The following LRP1B variants were observed in gnomAD, a reference collection of about 807,000 sequenced individuals.
LRP1B encodes the protein low-density lipoprotein receptor-related protein 1B.
A neutral mutation model predicts 556.6 loss-of-function variants in LRP1B; 217 were observed. The ratio of observed to expected loss-of-function variants is 0.39; its 90% CI spans 0.35 to 0.44. The LOEUF (loss-of-function observed/expected upper bound fraction) is 0.44. Ranked by LOEUF, LRP1B falls within the 20% of genes least tolerant of loss-of-function variation. The probability of loss-of-function intolerance (pLI) is 1.00; values close to 1 mark genes in which losing one functional copy is unlikely to be tolerated. For missense variants in LRP1B, 5,053 were observed against 5,620.8 expected (o/e 0.90, Z 3.23); for synonymous variants, 2,047 against 1,865.8 (o/e 1.10, Z -2.50).
intron 71 of LRP1B, among the ~76,000 whole-genome samples, chr2:140,365,575 G>A (rs1000353041): frequency 6.6e-6 from 1 of 151,610 alleles, no homozygotes; most frequent in Admixed American, 6.6e-5. Flanking sequence ...TCCCAGTCTT[G>A]CTTTGGATAA....
At position 140,232,942 on chromosome 2, in the gene LRP1B, CAT is replaced by C; in HGVS notation, c.*242_*243del. 1 of 309,398 alleles carries C rather than the reference CAT, an allele frequency of 3.2e-6. No individual in the cohort carries two copies. The allele number at this position is 309,398 out of a possible 1,614,324, so 19.2% of individuals were successfully genotyped here. A position where few individuals can be genotyped will look rare whatever the true frequency, so the allele number is the denominator to read the frequency against. ...AATTTTAACAAATTCAAAGGTGTGT[CAT>C]ATCAGCAGCATTGTTGTAAATTGTA... On this transcript the variant is annotated 3_prime_UTR_variant, in exon 91 of 91. Transcript: ENST00000389484.
intron 66 of LRP1B, among the ~76,000 whole-genome samples, chr2:140,394,009 T>G (rs1387598868): frequency 6.6e-6 from 1 of 152,150 alleles, no homozygotes; most frequent in African/African-American, 2.4e-5. Context: ...CATGCTGTTT[T>G]GCAAATGTAC....
intron 1 of LRP1B, among the ~76,000 whole-genome samples, chr2:141,865,612 A>G (rs986330162): frequency 1.5e-4 from 22 of 151,386 alleles, no homozygotes; most frequent in Non-Finnish European, 2.9e-4. Context: ...AAAAAAGAAA[A>G]AAAAAAAGAA....
chr2:141,443,752 T>C (rs1681075481), intron 3 of LRP1B, among the ~76,000 whole-genome samples: 1 of 152,184 alleles, frequency 6.6e-6, no homozygotes, highest in African/African-American at 2.4e-5. Context: ...TGTGTGGCAT[T>C]ATTTCTGAGG....
At chr2:141,940,538 G>GACA (rs993025429) in intron 1 of LRP1B, among the ~76,000 whole-genome samples, 2 of 152,062 alleles carry the variant, frequency 1.3e-5, no homozygotes, top group Non-Finnish European at 2.9e-5. Context: ...ATCGGAAACA[G>GACA]ACAGTTGGGG....
At chr2:140,990,226 A>T (rs1314047498) in intron 16 of LRP1B, among the ~76,000 whole-genome samples, 1 of 152,066 alleles carries the variant, frequency 6.6e-6, no homozygotes, top group African/African-American at 2.4e-5. Flanking sequence ...AACCAACTGT[A>T]TCACTAAGTT....
chr2:140,833,694 A>G (rs1029954054), intron 31 of LRP1B, among the ~76,000 whole-genome samples: 1 of 152,110 alleles, frequency 6.6e-6, no homozygotes, highest in Non-Finnish European at 1.5e-5. Flanking sequence ...GACTTACTGT[A>G]TATACATATA....
chr2:141,235,690 A>G (rs1380021415), intron 5 of LRP1B, among the ~76,000 whole-genome samples: 2 of 152,170 alleles, frequency 1.3e-5, no homozygotes, highest in African/African-American at 4.8e-5. Context: ...TTTCACTAAT[A>G]ATAGTTAATG....
Position 140,994,057 on chromosome 2 carries a change from C to T in LRP1B, c.2582G>A (p.Arg861Gln), listed in dbSNP as rs751289386. ...GTCATCGTCGCCATCACATTTCCAC[C>T]GAGCTTGGATACAGTGTCTGTTTTT... is the stretch of plus-strand genomic sequence containing the variant. ...RCKNRHCIQA[R>Q]WKCDGDDDCL... Residue 861 changes from arginine (R) to glutamine (Q), a missense_variant, in exon 16 of 91, where the codon CGG becomes CAG. Arg to Gln is a conservative substitution (Grantham distance 43, BLOSUM62 1). Coordinates refer to ENST00000389484, the MANE Select transcript of LRP1B (RefSeq NM_018557.3). The T allele has an allele frequency of 7.4e-6, 12 of 1,612,524 alleles. No individual in the cohort carries two copies. Among genetic ancestry groups the T allele is most frequent in the Middle Eastern group, 1.6e-4 (1 of 6,076 alleles).
At chr2:141,451,627 A>AT (rs1265479531) in intron 3 of LRP1B, among the ~76,000 whole-genome samples, 2 of 152,144 alleles carry the variant, frequency 1.3e-5, no homozygotes, top group Non-Finnish European at 2.9e-5. Context: ...GTTATACGTT[A>AT]TAAAAAAAAC....
intron 1 of LRP1B, among the ~76,000 whole-genome samples, chr2:142,024,176 C>T (rs114184475): frequency 0.032 from 4,915 of 152,204 alleles, 86 homozygotes; most frequent in Non-Finnish European, 0.04. Context: ...TCTCAGTGTA[C>T]GAGGAAGTAA....
At chr2:140,601,307 T>TA (rs34284556) in intron 42 of LRP1B, 143 bp downstream of exon 42, 2,134 of 696,360 alleles carry the variant, frequency 3.1e-3, no homozygotes, top group Non-Finnish European at 3.4e-3. Flanking sequence ...TGCTCTTACA[T>TA]AAAAAAAAAA....
rs2105389282 is a variant in LRP1B at position 141,015,801 on chromosome 2, C to G, written c.2085G>C (p.Leu695=). Residue 695 remains leucine, a synonymous_variant, in exon 13 of 91, where the codon CTG becomes CTC. Transcript: ENST00000389484. ...AGTCCAGAGTTAAACCGTTTGGCCACAGCATCTTTGAAGTCACAAAAATCT... is the reference window on the plus strand; with the variant it reads ...AGTCCAGAGTTAAACCGTTTGGCCAGAGCATCTTTGAAGTCACAAAAATCT... ...NRQIFVTSKM[L]WPNGLTLDFH... 6.2e-7 allele frequency: 1 copy of G among 1,613,596 alleles called. No homozygotes were observed. Among genetic ancestry groups the G allele is most frequent in the Non-Finnish European group, 8.5e-7 (1 of 1,179,740 alleles).
chr2:142,067,836 C>T (rs562529680), intron 1 of LRP1B, among the ~76,000 whole-genome samples: 1 of 151,666 alleles, frequency 6.6e-6, no homozygotes, highest in South Asian at 2.1e-4. Flanking sequence ...CTACTTTAAA[C>T]ATAACACAGA....
At chr2:142,019,825 C>T (rs1703277459) in intron 1 of LRP1B, among the ~76,000 whole-genome samples, 1 of 152,178 alleles carries the variant, frequency 6.6e-6, no homozygotes, top group African/African-American at 2.4e-5. Context: ...GTCACTCCCT[C>T]TCCCTGGAAT....
chr2:141,271,512 G>A (rs796088686), intron 3 of LRP1B, among the ~76,000 whole-genome samples: 3 of 151,720 alleles, frequency 2.0e-5, no homozygotes, highest in African/African-American at 7.2e-5. Context: ...TTTATACAAA[G>A]AAGTCCCAAT....
intron 18 of LRP1B, among the ~76,000 whole-genome samples, chr2:140,960,338 CTTAT>C (rs1476259374): frequency 1.3e-5 from 2 of 151,776 alleles, no homozygotes; most frequent in Non-Finnish European, 3.0e-5. Flanking sequence ...AGAATTCACT[CTTAT>C]TTATTCTAGT....
At chr2:141,965,887 C>A (rs1356033482) in intron 1 of LRP1B, among the ~76,000 whole-genome samples, 7 of 146,916 alleles carry the variant, frequency 4.8e-5, no homozygotes, top group South Asian at 2.1e-4. Context: ...ATTGCTGAGA[C>A]AAATTTTATG....
intron 23 of LRP1B, among the ~76,000 whole-genome samples, chr2:140,899,293 G>T (rs1469972357): frequency 6.6e-6 from 1 of 152,068 alleles, no homozygotes; most frequent in Non-Finnish European, 1.5e-5. Flanking sequence ...TCTCAACTAA[G>T]CTAAAAGAAA....
Sources: allele counts gnomAD v4.1 joint callset (sites outside exome capture counted in the v4.1 genomes callset), GRCh38; gene constraint gnomAD v4.1.1; transcripts MANE v1.5; gene names NCBI Gene and HGNC (gene_info 2026-07-23, HGNC 2026-07-21).